EML5: variants seen among roughly 807,000 people sequenced by gnomAD.
EML5 encodes the protein EMAP like 5.
A neutral mutation model predicts 250.0 loss-of-function variants in EML5; 120 were observed. The observed-to-expected ratio is 0.48, with a 90% CI of 0.41 to 0.56. EML5 has a LOEUF of 0.56. Ranked by LOEUF, EML5 falls within the 20% of genes least tolerant of loss-of-function variation. The probability of loss-of-function intolerance (pLI) is 0.00; values close to 1 mark genes in which losing one functional copy is unlikely to be tolerated. For synonymous variants in EML5, 771 were observed against 806.5 expected (o/e 0.96, Z 0.75); for missense variants, 2,006 against 2,437.6 (o/e 0.82, Z 3.73).
chr14:88,687,067 G>A (rs2092849450), intron 19 of EML5, 149 bp downstream of exon 19: 2 of 604,630 alleles, frequency 3.3e-6, no homozygotes, highest in Non-Finnish European at 5.8e-6. Context: ...AATGATTCTG[G>A]TATCCAGTTA....
intron 36 of EML5, 191 bp downstream of exon 36, chr14:88,624,779 A>C: frequency 1.6e-6 from 1 of 640,876 alleles, no homozygotes; most frequent in Non-Finnish European, 2.5e-6. Flanking sequence ...ACATGAAAAA[A>C]ATTGGAAGTG....
intron 1 of EML5, among the ~76,000 whole-genome samples, chr14:88,777,778 C>G (rs978341952): frequency 2.6e-5 from 4 of 152,170 alleles, no homozygotes; most frequent in Non-Finnish European, 5.9e-5. Flanking sequence ...GAGCTCAAGA[C>G]CAGCCTGGGC....
chr14:88,768,993 G>T (rs1187244382), intron 1 of EML5, among the ~76,000 whole-genome samples: 2 of 152,150 alleles, frequency 1.3e-5, no homozygotes, highest in East Asian at 3.8e-4. Flanking sequence ...CATTCCCATT[G>T]GGAGCAATAT....
At chr14:88,779,632 A>T (rs1026695682) in intron 1 of EML5, among the ~76,000 whole-genome samples, 1 of 152,098 alleles carries the variant, frequency 6.6e-6, no homozygotes, top group Non-Finnish European at 1.5e-5. Context: ...TTTGTTTGTC[A>T]CCCTACTAGT....
intron 21 of EML5, among the ~76,000 whole-genome samples, 196 bp from the exon 22 acceptor site, chr14:88,665,685 G>A (rs919202142): frequency 6.6e-6 from 1 of 152,180 alleles, no homozygotes; most frequent in African/African-American, 2.4e-5. Flanking sequence ...GTAGGGGAAG[G>A]GGCAAGGGGC....
chr14:88,711,752 CT>C (rs928172880), intron 10 of EML5, among the ~76,000 whole-genome samples: 2 of 152,068 alleles, frequency 1.3e-5, no homozygotes, highest in African/African-American at 4.8e-5. Flanking sequence ...AAGACACAGC[CT>C]GGCCAACATG....
In EML5 at chr14:88,762,570, ACT is replaced by A. The variant is rs1214003367; in HGVS notation, c.198-7901_198-7900del. 2.0e-5 allele frequency among the ~76,000 whole-genome samples: 3 copies of A among 152,144 alleles called. No homozygotes were observed. In the East Asian group the frequency reaches 5.8e-4, roughly 29 times the overall value. ...GACTCCCACACAGTAATAGTGGGAG[ACT>A]TTAATACCCCGCTGTCAATATTAGA... On this transcript the variant is annotated intron_variant, in intron 1 of 43. Coordinates refer to ENST00000554922, the MANE Select transcript of EML5 (RefSeq NM_183387.3).
rs1019352075 is a variant in EML5, at chr14:88,625,271, C to G, written c.4741-144G>C. ...TGTAGTGGCAGCAGCACTGAATTCA[C>G]GAGTCAGGAAACCTGAACGGGAGGC... On this transcript the variant is annotated intron_variant, in intron 35 of 43. Coordinates refer to ENST00000554922, the MANE Select transcript of EML5 (RefSeq NM_183387.3). 4.5e-5 allele frequency: 42 copies of G among 936,398 alleles called. No homozygotes were observed. The African/African-American group carries it at 6.6e-4, about 15-fold the overall frequency. The allele number at this position is 936,398 out of a possible 1,614,324, so 58.0% of individuals were successfully genotyped here.
intron 8 of EML5, among the ~76,000 whole-genome samples, chr14:88,717,318 C>T (rs2093513057): frequency 1.3e-5 from 2 of 152,178 alleles, no homozygotes; most frequent in Non-Finnish European, 2.9e-5. Flanking sequence ...TGGACACAAA[C>T]AAGGGGACTT....
At chr14:88,728,449 A>G (rs901849867) in intron 7 of EML5, among the ~76,000 whole-genome samples, 1 of 152,258 alleles carries the variant, frequency 6.6e-6, no homozygotes, top group Non-Finnish European at 1.5e-5. Context: ...ACAGTTGTTT[A>G]ACATACACTT....
chr14:88,753,270 C>CT (rs2094121473), intron 2 of EML5, among the ~76,000 whole-genome samples: 1 of 152,156 alleles, frequency 6.6e-6, no homozygotes, highest in South Asian at 2.1e-4. Context: ...GCCAACTAAA[C>CT]GAGCTACACC....
intron 34 of EML5, chr14:88,627,333 A>C (rs1152380): frequency 0.013 from 6,049 of 457,452 alleles, 58 homozygotes; most frequent in Middle Eastern, 0.032. Context: ...AAATATACAT[A>C]ATTTTCATAA....
intron 5 of EML5, 36 bp from the exon 6 acceptor site, chr14:88,739,050 T>C (rs758016766): frequency 1.9e-6 from 3 of 1,559,156 alleles, no homozygotes; most frequent in Non-Finnish European, 2.6e-6. Context: ...ACGACAAATA[T>C]TTTTTAAGAA....
At chr14:88,789,264 G>T (rs1951380395) in intron 1 of EML5, among the ~76,000 whole-genome samples, 1 of 151,938 alleles carries the variant, frequency 6.6e-6, no homozygotes, top group African/African-American at 2.4e-5. Flanking sequence ...AATAACTGGA[G>T]AATTTTATCA....
intron 14 of EML5, among the ~76,000 whole-genome samples, chr14:88,700,471 T>G (rs948664438): frequency 6.6e-6 from 1 of 152,152 alleles, no homozygotes; most frequent in African/African-American, 2.4e-5. Flanking sequence ...TGAGTTATTT[T>G]CAGGAAACAA....
intron 36 of EML5, 114 bp from the exon 37 acceptor site, chr14:88,622,832 T>C (rs2089254568): frequency 3.5e-6 from 2 of 575,254 alleles, no homozygotes; most frequent in Admixed American, 4.1e-5. Flanking sequence ...GCCCTGATAT[T>C]TATAATTTAC....
rs144847302 is a variant in EML5 at position 88,756,431 on chromosome 14, TAAGTA to T, written c.198-1765_198-1761del. 5.6e-3 allele frequency among the ~76,000 whole-genome samples: 859 copies of T among 152,140 alleles called. 6 individuals carry two copies. The highest frequency in any genetic ancestry group is 0.02 in the African/African-American group (828 of 41,500). On this transcript the variant is annotated intron_variant, in intron 1 of 43. Coordinates refer to ENST00000554922, the MANE Select transcript of EML5 (RefSeq NM_183387.3). ...GATGAAAGCCTGAAAGCAATCCCACTAAGTAAAGGGAAAAAACAAGGATGTCAGTT... is the reference window on the plus strand; with the variant it reads ...GATGAAAGCCTGAAAGCAATCCCACTAAGGGAAAAAACAAGGATGTCAGTT...
intron 35 of EML5, chr14:88,626,578 T>A (rs905813812): frequency 3.4e-5 from 15 of 438,624 alleles, no homozygotes; most frequent in Non-Finnish European, 5.8e-5. Flanking sequence ...AATCGCACCA[T>A]TGCACCCCAG....
chr14:88,636,227 G>A (rs2090717418), intron 32 of EML5, among the ~76,000 whole-genome samples: 1 of 152,140 alleles, frequency 6.6e-6, no homozygotes, highest in Non-Finnish European at 1.5e-5. Flanking sequence ...AGGACCATCT[G>A]GTAGAGAATT....
Sources: allele counts gnomAD v4.1 joint callset (sites outside exome capture counted in the v4.1 genomes callset), GRCh38; gene constraint gnomAD v4.1.1; transcripts MANE v1.5; gene names NCBI Gene and HGNC (gene_info 2026-07-23, HGNC 2026-07-21).